DMD: variants seen among roughly 807,000 people sequenced by gnomAD.
DMD encodes the protein mutant dystrophin.
DMD carries 63 observed loss-of-function variants against 330.1 expected under a neutral mutation model. The ratio of observed to expected loss-of-function variants is 0.19; its 90% CI spans 0.16 to 0.24. The LOEUF is 0.24. DMD is among the 10% of genes least tolerant of loss of function. DMD has a pLI of 1.00. For synonymous variants in DMD, 1,223 were observed against 959.8 expected (o/e 1.27, Z -5.07); for missense variants, 3,344 against 2,684.1 (o/e 1.25, Z -5.43).
At chrX:32,049,096 T>C (rs1012194981) in intron 44 of DMD, among the ~76,000 whole-genome samples, 10 of 111,320 alleles carry the variant, frequency 9.0e-5, no homozygotes, top group Admixed American at 4.8e-4. Context: ...GAAAATGTAT[T>C]ATCTATATCT....
rs185887344 is a variant in DMD at position 32,697,134 on chromosome X, G to C, written c.960+736C>G. Among the ~76,000 whole-genome samples, 167 of 111,850 alleles carry C rather than the reference G, an allele frequency of 1.5e-3. 1 individual carries two copies. The highest frequency in any genetic ancestry group is 4.7e-3 in the Middle Eastern group (1 of 214). ...CAAAATAAATCATTTTTGTTAAAAA[G>C]TAATTCTTGCAAATCTAGCAATCCT... On this transcript the variant is annotated intron_variant, in intron 9 of 78. Coordinates refer to ENST00000357033, the MANE Select transcript of DMD (RefSeq NM_004006.3).
intron 44 of DMD, among the ~76,000 whole-genome samples, chrX:31,988,890 T>G (rs2095530556): frequency 1.8e-5 from 2 of 111,083 alleles, no homozygotes; most frequent in Admixed American, 1.9e-4. Flanking sequence ...GTCAGCAAGC[T>G]GGAGACCCAG....
Position 31,396,075 on chromosome X carries a change from C to T in DMD, c.9085-47441G>A, listed in dbSNP as rs771495763. On this transcript the variant is annotated intron_variant, in intron 60 of 78. Transcript: ENST00000357033. ...GTTAATGCAAAACTGGAGAACATTGCATCCTGGATATAGGTATATTCTGAT... is the reference window on the plus strand; with the variant it reads ...GTTAATGCAAAACTGGAGAACATTGTATCCTGGATATAGGTATATTCTGAT... Among the ~76,000 whole-genome samples the T allele has an allele frequency of 1.9e-3, 216 of 111,048 alleles. 1 individual carries two copies. Among genetic ancestry groups the T allele is most frequent in the African/African-American group, 6.8e-3 (207 of 30,593 alleles).
intron 55 of DMD, among the ~76,000 whole-genome samples, chrX:31,569,641 T>TATATACGTATATATAC (rs771071830): frequency 2.4e-4 from 20 of 82,835 alleles, no homozygotes; most frequent in African/African-American, 3.0e-4. Context: ...CGTATATATA[T>TATATACGTATATATAC]GTATATACGT....
intron 2 of DMD, among the ~76,000 whole-genome samples, chrX:32,979,558 G>C (rs2092647060): frequency 9.0e-6 from 1 of 111,324 alleles, no homozygotes; most frequent in Admixed American, 9.7e-5. Context: ...AAGCAAGCAA[G>C]CAAAAGACCA....
At chrX:32,381,101 G>T (rs2097923003) in intron 33 of DMD, among the ~76,000 whole-genome samples, 2 of 111,391 alleles carry the variant, frequency 1.8e-5, no homozygotes, top group South Asian at 7.4e-4. Context: ...TGCTGGTAAG[G>T]AATCAAAATG....
intron 54 of DMD, 124 bp downstream of exon 54, chrX:31,657,866 A>G: frequency 1.4e-6 from 1 of 700,934 alleles, no homozygotes; most frequent in Non-Finnish European, 2.2e-6. Context: ...GTTGGTATTT[A>G]TCGTCTTGAA....
At chrX:32,944,607 A>AT (rs3083092) in intron 2 of DMD, among the ~76,000 whole-genome samples, 6,979 of 96,502 alleles carry the variant, frequency 0.072, 672 homozygotes, top group African/African-American at 0.24. Context: ...CTTTTAGTAG[A>AT]TTTTTTTTTT....
intron 77 of DMD, among the ~76,000 whole-genome samples, chrX:31,128,740 C>T (rs2034080559): frequency 9.0e-6 from 1 of 111,542 alleles, no homozygotes; most frequent in Admixed American, 9.5e-5. Context: ...CCTCCCAGAG[C>T]CAAGCTAACT....
At chrX:32,285,969 G>C (rs1182121451) in intron 43 of DMD, among the ~76,000 whole-genome samples, 1 of 111,159 alleles carries the variant, frequency 9.0e-6, no homozygotes, top group African/African-American at 3.3e-5. Context: ...CAAAGTGCTG[G>C]GATTACAGAC....
chrX:32,323,166 A>T (rs936831196), intron 41 of DMD, among the ~76,000 whole-genome samples: 13 of 112,204 alleles, frequency 1.2e-4, no homozygotes, highest in African/African-American at 3.6e-4. Context: ...CATAGCATTT[A>T]CATTGTATTG....
intron 48 of DMD, among the ~76,000 whole-genome samples, chrX:31,855,197 T>A (rs1192699473): frequency 1.9e-5 from 1 of 52,201 alleles, no homozygotes; most frequent in Admixed American, 2.7e-4. Context: ...TTGAGTGTGG[T>A]TCTGATGAAT....
intron 9 of DMD, among the ~76,000 whole-genome samples, chrX:32,646,734 C>G (rs1478663897): frequency 9.0e-6 from 1 of 111,642 alleles, no homozygotes; most frequent in Non-Finnish European, 1.9e-5. Context: ...TTTTAAATTT[C>G]CCCAACTGTT....
At chrX:31,483,710 A>G (rs1432108547) in intron 57 of DMD, among the ~76,000 whole-genome samples, 3 of 112,643 alleles carry the variant, frequency 2.7e-5, no homozygotes, top group African/African-American at 9.7e-5. Context: ...TTGTATCTTT[A>G]GAATTTCAAA....
At chrX:31,451,980 G>C (rs1206119776) in intron 59 of DMD, among the ~76,000 whole-genome samples, 1 of 110,184 alleles carries the variant, frequency 9.1e-6, no homozygotes, top group Non-Finnish European at 1.9e-5. Context: ...TCATATTTGG[G>C]CATGATCACT....
At chrX:31,379,257 G>C (rs998672591) in intron 60 of DMD, among the ~76,000 whole-genome samples, 3 of 110,855 alleles carry the variant, frequency 2.7e-5, no homozygotes, top group African/African-American at 6.6e-5. Flanking sequence ...CCTCACACCC[G>C]GTCCGGCTTA....
chrX:33,304,778 A>G (rs2148941927), intron 1 of DMD, among the ~76,000 whole-genome samples: 1 of 102,906 alleles, frequency 9.7e-6, no homozygotes, highest in African/African-American at 3.5e-5. Flanking sequence ...ACACTTCTCA[A>G]AAGAAGACAT....
intron 25 of DMD, among the ~76,000 whole-genome samples, chrX:32,462,959 C>CA (rs752020285): frequency 1.4e-4 from 15 of 110,033 alleles, no homozygotes; most frequent in Non-Finnish European, 2.3e-4. Context: ...GACCCTGTCC[C>CA]AAAAAATAAA....
chrX:33,072,430 AC>A (rs996213021), intron 1 of DMD, among the ~76,000 whole-genome samples: 15 of 112,127 alleles, frequency 1.3e-4, no homozygotes, highest in African/African-American at 4.9e-4. Flanking sequence ...AAAACCAAAA[AC>A]AAACAACGAC....
Sources: allele counts gnomAD v4.1 joint callset (sites outside exome capture counted in the v4.1 genomes callset), GRCh38; gene constraint gnomAD v4.1.1; transcripts MANE v1.5; gene names NCBI Gene and HGNC (gene_info 2026-07-23, HGNC 2026-07-21).